NNMT: variants seen among roughly 807,000 people sequenced by gnomAD.
The protein encoded by NNMT is nicotinamide N-methyltransferase.
Under a neutral mutation model 11.7 loss-of-function variants are expected in NNMT, and 10 were observed. That is an observed-to-expected ratio of 0.85 (90% CI 0.53 to 1.45). The LOEUF (loss-of-function observed/expected upper bound fraction) is 1.45, where lower values mean the gene tolerates loss of function less well. Ranked by LOEUF, NNMT falls within the 40% of genes most tolerant of loss-of-function variation. NNMT has a pLI of 0.00. For synonymous variants in NNMT, 143 were observed against 133.8 expected, an observed-to-expected ratio of 1.07 and a Z score of -0.48; for missense variants, 381 against 319.4, an observed-to-expected ratio of 1.19 and a Z score of -1.47.
chr11:114,266,847 A>C (rs181431356), intron 2 of NNMT, among the ~76,000 whole-genome samples: 2 of 152,370 alleles, frequency 1.3e-5, no homozygotes, highest in Non-Finnish European at 2.9e-5. Context: ...CCCACACCAG[A>C]TGGCTGGTGC....
chr11:114,262,642 G>C lies in NNMT; in HGVS notation c.-216-206G>C, dbSNP rs140763092. 4.9e-4 allele frequency among the ~76,000 whole-genome samples: 74 copies of C among 152,114 alleles called. No homozygotes were observed. In the South Asian group the frequency reaches 0.015, roughly 30 times the overall value. ...CTTTTCACTCTCCTTGCCTCTGTGCGCTTCCAGCCATCTCAAATGGATGCA... is the reference window on the plus strand; with the variant it reads ...CTTTTCACTCTCCTTGCCTCTGTGCCCTTCCAGCCATCTCAAATGGATGCA... On this transcript the variant is annotated intron_variant, in intron 1 of 4. Coordinates refer to the NNMT transcript ENST00000535401.
At chr11:114,277,986 C>T (rs140031078) in intron 2 of NNMT, among the ~76,000 whole-genome samples, 130 of 152,168 alleles carry the variant, frequency 8.5e-4, no homozygotes, top group Non-Finnish European at 1.4e-3. Context: ...GTAGTTTTTA[C>T]CTTACCCTTT....
chr11:114,283,760 A>C (rs561516261), intron 2 of NNMT, among the ~76,000 whole-genome samples: 7 of 152,088 alleles, frequency 4.6e-5, no homozygotes, highest in Non-Finnish European at 1.0e-4. Flanking sequence ...TCTTTTAACC[A>C]CCTGACCTCA....
intron 2 of NNMT, among the ~76,000 whole-genome samples, chr11:114,273,596 T>C: frequency 6.6e-6 from 1 of 152,096 alleles, no homozygotes; most frequent in South Asian, 2.1e-4. Flanking sequence ...TCCCAACACT[T>C]TGGGAGGCTC....
In NNMT at chr11:114,312,563, T is replaced by C. The variant is rs991281111; in HGVS notation, c.*86T>C. On this transcript the variant is annotated 3_prime_UTR_variant, in exon 3 of 3. Transcript: ENST00000299964. ...TCTAACTGCCAAGTCATGTGCTGAGTAGAGGCTCAGTGGTTGGGGCCCAAT... is the reference window on the plus strand; with the variant it reads ...TCTAACTGCCAAGTCATGTGCTGAGCAGAGGCTCAGTGGTTGGGGCCCAAT... 19 of 1,359,336 alleles carry C rather than the reference T, an allele frequency of 1.4e-5. No individual in the cohort carries two copies. The African/African-American group carries it at 2.2e-4, about 15-fold the overall frequency. The allele number at this position is 1,359,336 out of a possible 1,614,324, so 84.2% of individuals were successfully genotyped here. A position where few individuals can be genotyped will look rare whatever the true frequency, so the allele number is the denominator to read the frequency against.
intron 2 of NNMT, among the ~76,000 whole-genome samples, chr11:114,288,787 G>T (rs1215378366): frequency 6.6e-6 from 1 of 152,094 alleles, no homozygotes; most frequent in Non-Finnish European, 1.5e-5. Flanking sequence ...ACCAGTTCCT[G>T]AAAAATAGTA....
intron 2 of NNMT, among the ~76,000 whole-genome samples, chr11:114,284,764 C>CTTTTTTT (rs11415162): frequency 5.5e-5 from 5 of 90,352 alleles, no homozygotes; most frequent in East Asian, 4.5e-4. Context: ...ACCCGGCCAT[C>CTTTTTTT]TTTTTTTTTT....
intron 2 of NNMT, among the ~76,000 whole-genome samples, chr11:114,281,883 G>A (rs1329208980): frequency 6.6e-6 from 1 of 152,150 alleles, no homozygotes; most frequent in Non-Finnish European, 1.5e-5. Context: ...CTGGGGGAAT[G>A]TCTTCTTCAC....
At chr11:114,272,534 T>C (rs1377472043) in intron 2 of NNMT, among the ~76,000 whole-genome samples, 6 of 152,160 alleles carry the variant, frequency 3.9e-5, no homozygotes, top group Non-Finnish European at 7.4e-5. Context: ...ACATGGTCCA[T>C]GGTGGGAGAC....
intron 2 of NNMT, chr11:114,262,968 T>C (rs893606202): frequency 6.6e-6 from 1 of 152,158 alleles, no homozygotes; most frequent in African/African-American, 2.4e-5. Flanking sequence ...AACTCTCCAT[T>C]TGGGAAGGAG....
chr11:114,303,336 C>T (rs1945457230), intron 2 of NNMT, among the ~76,000 whole-genome samples: 1 of 152,184 alleles, frequency 6.6e-6, no homozygotes, highest in Non-Finnish European at 1.5e-5. Flanking sequence ...CCAAAGTCCC[C>T]TGGCATCTCT....
At chr11:114,263,264 CT>C (rs200607016) in intron 2 of NNMT, among the ~76,000 whole-genome samples, 1,684 of 151,988 alleles carry the variant, frequency 0.011, 23 homozygotes, top group East Asian at 0.028. Flanking sequence ...AGTACCCCCC[CT>C]GTTTCTAAGA....
intron 2 of NNMT, among the ~76,000 whole-genome samples, chr11:114,279,777 T>G (rs1250100689): frequency 1.3e-5 from 2 of 152,198 alleles, no homozygotes; most frequent in African/African-American, 4.8e-5. Context: ...GATAACAATT[T>G]TTGCCCTCGC....
intron 2 of NNMT, among the ~76,000 whole-genome samples, chr11:114,274,532 C>T (rs1945200346): frequency 6.6e-6 from 1 of 152,174 alleles, no homozygotes; most frequent in Non-Finnish European, 1.5e-5. Context: ...CTTGAGGATG[C>T]CAGAGCTTCA....
At chr11:114,288,383 A>C (rs923896522) in intron 2 of NNMT, among the ~76,000 whole-genome samples, 1 of 151,034 alleles carries the variant, frequency 6.6e-6, no homozygotes, top group Admixed American at 6.6e-5. Flanking sequence ...GTCTTATTCT[A>C]TTTCCAGTTT....
intron 2 of NNMT, among the ~76,000 whole-genome samples, chr11:114,263,914 A>G (rs927910749): frequency 7.9e-5 from 12 of 152,080 alleles, no homozygotes; most frequent in African/African-American, 2.9e-4. Flanking sequence ...CTCCCATATC[A>G]TGCCTTCCTG....
In NNMT at chr11:114,288,073, T is replaced by C. The variant is rs550830543; in HGVS notation, c.-129-8355T>C. 4.7e-4 allele frequency among the ~76,000 whole-genome samples: 71 copies of C among 152,340 alleles called. No homozygotes were observed. The South Asian group carries it at 0.014, about 30-fold the overall frequency. On this transcript the variant is annotated intron_variant, in intron 2 of 4. Transcript: ENST00000535401. ...AAATGAATTTAATTTTTATATTGATTTCATATCCAGATATTTTGCTAAACT... is the reference window on the plus strand; with the variant it reads ...AAATGAATTTAATTTTTATATTGATCTCATATCCAGATATTTTGCTAAACT...
At position 114,262,126 on chromosome 11, in the gene NNMT, C is replaced by G. The variant is rs371909763; in HGVS notation, c.-216-722C>G. The stretch of plus-strand genomic sequence containing the variant: ...TGAACCTTCCGAAAGCCTAGAAAAC[C>G]CATAATGGAGGGTCGCTGAAGTCAG... On this transcript the variant is annotated intron_variant, in intron 1 of 4. Coordinates refer to the NNMT transcript ENST00000535401. Among the ~76,000 whole-genome samples, 11 of 152,284 alleles carry G rather than the reference C, an allele frequency of 7.2e-5. No homozygotes were observed. The South Asian group carries it at 2.3e-3, about 32-fold the overall frequency.
chr11:114,293,333 G>A (rs1945348003), upstream of NNMT, among the ~76,000 whole-genome samples: 1 of 152,054 alleles, frequency 6.6e-6, no homozygotes, highest in Non-Finnish European at 1.5e-5. Context: ...ATACCACACA[G>A]GTTTCCTTTA....
Sources: allele counts gnomAD v4.1 joint callset (sites outside exome capture counted in the v4.1 genomes callset), GRCh38; gene constraint gnomAD v4.1.1; transcripts MANE v1.5; gene names NCBI Gene and HGNC (gene_info 2026-07-23, HGNC 2026-07-21).